MEGF6: variants seen among roughly 807,000 people sequenced by gnomAD.
MEGF6 encodes the protein multiple EGF like domains 6.
A neutral mutation model predicts 207.1 loss-of-function variants in MEGF6; 184 were observed. The observed-to-expected ratio is 0.89, with a 90% confidence interval of 0.79 to 1.00. The LOEUF (loss-of-function observed/expected upper bound fraction) is 1.00, where lower values mean the gene tolerates loss of function less well. Ranked by LOEUF, MEGF6 falls within the 50% of genes least tolerant of loss-of-function variation. MEGF6 has a pLI of 0.00. For missense variants in MEGF6, 2,282 were observed against 2,202.9 expected (o/e 1.04, Z -0.72); for synonymous variants, 1,038 against 910.0 (o/e 1.14, Z -2.53).
intron 4 of MEGF6, among the ~76,000 whole-genome samples, chr1:3,555,792 C>T (rs1055952875): frequency 2.0e-5 from 3 of 152,186 alleles, no homozygotes; most frequent in Non-Finnish European, 2.9e-5. Context: ...GGGCCAGCGG[C>T]GGCATCCAAA....
At chr1:3,493,940 C>T in intron 33 of MEGF6, 41 bp from the exon 34 acceptor site, 1 of 1,582,094 alleles carries the variant, frequency 6.3e-7, no homozygotes, top group Non-Finnish European at 8.6e-7. Flanking sequence ...TCCTGTCCTG[C>T]ACCCAGACGG....
intron 4 of MEGF6, chr1:3,531,276 G>T: frequency 7.5e-7 from 1 of 1,328,800 alleles, no homozygotes; most frequent in Non-Finnish European, 9.6e-7. Flanking sequence ...GGGAGGGGGC[G>T]AGGACCAACC....
chr1:3,610,197 G>T (rs900103864), intron 1 of MEGF6, among the ~76,000 whole-genome samples: 2 of 152,238 alleles, frequency 1.3e-5, no homozygotes, highest in African/African-American at 4.8e-5. Context: ...GTGGGGTCTT[G>T]GGAGCTTGGA....
At chr1:3,571,271 C>CCAGGTGT (rs1347071876) in intron 4 of MEGF6, among the ~76,000 whole-genome samples, 1 of 152,146 alleles carries the variant, frequency 6.6e-6, no homozygotes, top group African/African-American at 2.4e-5. Flanking sequence ...ATCTCCCAGC[C>CCAGGTGT]CAGGTGTCAG....
At chr1:3,589,732 T>A (rs146053133) in intron 3 of MEGF6, among the ~76,000 whole-genome samples, 1 of 152,358 alleles carries the variant, frequency 6.6e-6, no homozygotes, top group Non-Finnish European at 1.5e-5. Context: ...CATGACCGTA[T>A]GTCAAGTGGA....
intron 1 of MEGF6, among the ~76,000 whole-genome samples, chr1:3,605,252 G>C (rs1236188193): frequency 3.3e-5 from 5 of 151,000 alleles, no homozygotes; most frequent in Non-Finnish European, 1.5e-5. Context: ...CTAACAGAAG[G>C]CACTCACACA....
At position 3,489,393 on chromosome 1, in the gene MEGF6, T is replaced by G. The variant is rs1173644864; in HGVS notation, c.*1135A>C. Reference sequence around the variant, plus strand: ...AGAGAGTCCTATGTTGCGGTGTGAGTGCAGCCCTCTCCATTGGCCACCCCA... The same window carrying G: ...AGAGAGTCCTATGTTGCGGTGTGAGGGCAGCCCTCTCCATTGGCCACCCCA... On this transcript the variant is annotated 3_prime_UTR_variant, in exon 37 of 37. Transcript: ENST00000356575. 1.3e-5 allele frequency among the ~76,000 whole-genome samples: 2 copies of G among 152,162 alleles called. No individual in the cohort carries two copies. Among genetic ancestry groups the G allele is most frequent in the Non-Finnish European group, 2.9e-5 (2 of 68,016 alleles).
At position 3,611,440 on chromosome 1, in the gene MEGF6, A is replaced by C; in HGVS notation, c.-172T>G. On this transcript the variant is annotated 5_prime_UTR_variant, in exon 1 of 37. Transcript: ENST00000356575. The stretch of plus-strand genomic sequence containing the variant: ...GTCCCGGCTTCCCGCCCGCGCCCAA[A>C]GTGGCACCGCGGAGACCTGATCGCC... 5 of 938,408 alleles carry C rather than the reference A, an allele frequency of 5.3e-6. No homozygotes were observed. In the South Asian group the frequency reaches 1.3e-4, roughly 24 times the overall value. 58.1% of individuals were successfully genotyped at this position (938,408 alleles called of 1,614,324 possible).
intron 4 of MEGF6, among the ~76,000 whole-genome samples, chr1:3,539,461 C>T (rs1570092294): frequency 6.6e-6 from 1 of 152,072 alleles, no homozygotes; most frequent in African/African-American, 2.4e-5. Flanking sequence ...CTCAGCACCT[C>T]GGCCCTGCCA....
chr1:3,583,850 C>A (rs61762197), intron 3 of MEGF6, among the ~76,000 whole-genome samples: 2 of 2,468 alleles, frequency 8.1e-4, no homozygotes, highest in African/African-American at 1.5e-3. Flanking sequence ...ACCAGACAAC[C>A]CGCAGCCACC....
intron 4 of MEGF6, among the ~76,000 whole-genome samples, chr1:3,569,710 C>T (rs1464332025): frequency 6.6e-6 from 1 of 152,218 alleles, no homozygotes; most frequent in African/African-American, 2.4e-5. Context: ...TCAGTGGCTG[C>T]CTGGACAGCC....
chr1:3,525,378 T>G (rs1279356207), intron 4 of MEGF6, among the ~76,000 whole-genome samples: 2 of 152,240 alleles, frequency 1.3e-5, no homozygotes, highest in Non-Finnish European at 2.9e-5. Flanking sequence ...AGCCTGGTCC[T>G]GAGGCCTCTC....
At chr1:3,543,837 T>A (rs566343602) in intron 4 of MEGF6, among the ~76,000 whole-genome samples, 4 of 152,346 alleles carry the variant, frequency 2.6e-5, no homozygotes, top group Admixed American at 6.5e-5. Context: ...GCCGTCACCA[T>A]GCTGGGCTCT....
intron 5 of MEGF6, among the ~76,000 whole-genome samples, chr1:3,523,816 G>T (rs1054953571): frequency 6.6e-6 from 1 of 152,194 alleles, no homozygotes; most frequent in Non-Finnish European, 1.5e-5. Context: ...CTCCACCCAC[G>T]GGCTCACTCC....
intron 4 of MEGF6, among the ~76,000 whole-genome samples, chr1:3,532,310 G>GC (rs1209336154): frequency 1.3e-5 from 2 of 152,200 alleles, no homozygotes; most frequent in South Asian, 2.1e-4. Flanking sequence ...AGTCCCCAGA[G>GC]CCCCCCATCC....
Position 3,512,094 on chromosome 1 carries a change from A to G in MEGF6, c.888T>C (p.Cys296=). The G allele has an allele frequency of 6.2e-7, 1 of 1,611,772 alleles. No individual in the cohort carries two copies. Among genetic ancestry groups the G allele is most frequent in the Non-Finnish European group, 8.5e-7 (1 of 1,179,248 alleles). Residue 296 remains cysteine (C), a synonymous_variant, in exon 8 of 37, where the codon TGT becomes TGC. Transcript: ENST00000356575. ...VDECAAGLAQ[C]AHGCLNTQGS... is the part of the protein sequence containing the mutation. Reference sequence around the variant, plus strand: ...CCTGGGTGTTGAGGCAGCCATGGGCACACTGGGCCAGCCCTGCGGCACATT... The same window carrying G: ...CCTGGGTGTTGAGGCAGCCATGGGCGCACTGGGCCAGCCCTGCGGCACATT...
chr1:3,559,002 G>A (rs1643113033), intron 4 of MEGF6, among the ~76,000 whole-genome samples: 1 of 151,974 alleles, frequency 6.6e-6, no homozygotes, highest in South Asian at 2.1e-4. Flanking sequence ...CTCCAGCCTG[G>A]GTGACAGAGT....
At chr1:3,562,241 T>C (rs979984474) in intron 4 of MEGF6, among the ~76,000 whole-genome samples, 1 of 152,198 alleles carries the variant, frequency 6.6e-6, no homozygotes, top group African/African-American at 2.4e-5. Context: ...TCTTTTTCTA[T>C]CTCTCTATGT....
chr1:3,490,716 G>C, intron 36 of MEGF6, 127 bp from the exon 37 acceptor site: 1 of 1,162,742 alleles, frequency 8.6e-7, no homozygotes, highest in East Asian at 2.6e-5. Flanking sequence ...AGGTGGGTGG[G>C]GCCCACCCAT....
Sources: gnomAD v4.1 joint callset for allele counts (sites outside exome capture counted in the v4.1 genomes callset) on GRCh38, gnomAD v4.1.1 for gene constraint, MANE v1.5 for transcripts, NCBI Gene and HGNC (gene_info 2026-07-23, HGNC 2026-07-21) for gene names.